COL24A1: variants seen among roughly 807,000 people sequenced by gnomAD.
The protein encoded by COL24A1 is collagen type XXIV alpha 1 chain.
In COL24A1, 224 loss-of-function variants were observed where a neutral mutation model predicts 253.9. That is an observed-to-expected ratio of 0.88 (90% CI 0.79 to 0.99). The LOEUF is 0.99. Ranked by LOEUF, COL24A1 falls within the 50% of genes least tolerant of loss-of-function variation. The pLI is 0.00. For synonymous variants in COL24A1, 685 were observed against 673.7 expected, an observed-to-expected ratio of 1.02 and a Z score of -0.26; for missense variants, 2,131 against 2,068.5, an observed-to-expected ratio of 1.03 and a Z score of -0.59.
chr1:86,021,100 C>T (rs1036697510), intron 18 of COL24A1, among the ~76,000 whole-genome samples: 29 of 152,096 alleles, frequency 1.9e-4, no homozygotes, highest in Non-Finnish European at 2.1e-4. Context: ...TTTAATACTG[C>T]TTCCTGAGAT....
chr1:86,070,202 G>A (rs1261312643), intron 7 of COL24A1, among the ~76,000 whole-genome samples: 2 of 152,166 alleles, frequency 1.3e-5, no homozygotes, highest in African/African-American at 4.8e-5. Flanking sequence ...GAATGTATCA[G>A]AGTCCTTTAA....
chr1:86,122,147 C>T (rs1345882490), intron 3 of COL24A1, among the ~76,000 whole-genome samples: 1 of 151,540 alleles, frequency 6.6e-6, no homozygotes, highest in Non-Finnish European at 1.5e-5. Flanking sequence ...ACAATGACTT[C>T]TTCATCAAAA....
intron 31 of COL24A1, among the ~76,000 whole-genome samples, chr1:85,890,477 C>T (rs547501163): frequency 6.7e-6 from 1 of 148,660 alleles, no homozygotes; most frequent in Non-Finnish European, 1.5e-5. Context: ...GTTTGATTTT[C>T]ATTTCCCTAA....
At chr1:86,060,005 GT>G (rs1003109632) in intron 8 of COL24A1, among the ~76,000 whole-genome samples, 6 of 152,024 alleles carry the variant, frequency 3.9e-5, no homozygotes, top group African/African-American at 1.4e-4. Flanking sequence ...CCAGTCTATG[GT>G]CTTTTGTTAT....
chr1:85,736,209 T>C (rs1300012238), intron 58 of COL24A1: 5 of 430,500 alleles, frequency 1.2e-5, no homozygotes, highest in South Asian at 6.8e-5. Context: ...CCTAGGTTCA[T>C]AGAATAGAGA....
At chr1:86,130,660 T>C (rs1649024350) in intron 2 of COL24A1, among the ~76,000 whole-genome samples, 1 of 151,970 alleles carries the variant, frequency 6.6e-6, no homozygotes, top group Non-Finnish European at 1.5e-5. Flanking sequence ...GTTTATCTTT[T>C]CATTCTTAAA....
At chr1:85,926,575 C>T (rs1244693694) in intron 24 of COL24A1, among the ~76,000 whole-genome samples, 2 of 152,028 alleles carry the variant, frequency 1.3e-5, no homozygotes, top group Admixed American at 6.6e-5. Flanking sequence ...GGACATAAGA[C>T]CAAACACTGC....
intron 28 of COL24A1, among the ~76,000 whole-genome samples, chr1:85,902,837 A>G (rs1423771297): frequency 6.6e-6 from 1 of 152,220 alleles, no homozygotes; most frequent in Non-Finnish European, 1.5e-5. Flanking sequence ...CTTTTGTTCA[A>G]TAACAGAGTA....
intron 53 of COL24A1, among the ~76,000 whole-genome samples, chr1:85,768,416 A>G (rs1667595761): frequency 6.6e-6 from 1 of 152,188 alleles, no homozygotes; most frequent in Admixed American, 6.6e-5. Context: ...TAGTGGGGGA[A>G]AAGTGGAAGA....
At chr1:86,124,494 C>A (rs949699866) in intron 3 of COL24A1, among the ~76,000 whole-genome samples, 2 of 151,876 alleles carry the variant, frequency 1.3e-5, no homozygotes, top group Non-Finnish European at 2.9e-5. Context: ...ACTATGCATT[C>A]TCCTATGGTT....
chr1:86,112,878 A>G (rs1705747920), intron 4 of COL24A1, among the ~76,000 whole-genome samples: 1 of 152,152 alleles, frequency 6.6e-6, no homozygotes, highest in Non-Finnish European at 1.5e-5. Context: ...TTTCCGTAGA[A>G]ATTTCTTCAT....
intron 14 of COL24A1, among the ~76,000 whole-genome samples, chr1:86,028,214 T>C (rs1382101565): frequency 5.9e-5 from 9 of 152,306 alleles, no homozygotes; most frequent in Admixed American, 4.6e-4. Flanking sequence ...TGGAATGAGC[T>C]AGAACTTTGG....
chr1:86,051,118 G>A (rs1332837610), intron 10 of COL24A1, among the ~76,000 whole-genome samples: 3 of 152,120 alleles, frequency 2.0e-5, no homozygotes, highest in Non-Finnish European at 4.4e-5. Context: ...AGGCCAACCT[G>A]TTAGAAGGCT....
intron 10 of COL24A1, among the ~76,000 whole-genome samples, chr1:86,056,961 TAAAG>T (rs1240194017): frequency 6.6e-6 from 1 of 152,000 alleles, no homozygotes; most frequent in Non-Finnish European, 1.5e-5. Flanking sequence ...CTATTAAAAA[TAAAG>T]AATTTTAAAA....
intron 37 of COL24A1, among the ~76,000 whole-genome samples, chr1:85,854,710 TG>T (rs1168876793): frequency 7.0e-6 from 1 of 142,520 alleles, no homozygotes; most frequent in Non-Finnish European, 1.6e-5. Flanking sequence ...CCTAGGTTTT[TG>T]TTTTTTTTTT....
At chr1:86,145,067 A>G (rs568988810) in intron 2 of COL24A1, among the ~76,000 whole-genome samples, 12 of 152,246 alleles carry the variant, frequency 7.9e-5, no homozygotes, top group African/African-American at 2.4e-4. Context: ...CTTCTAAGAA[A>G]TATTTTAATT....
intron 1 of COL24A1, among the ~76,000 whole-genome samples, chr1:86,148,171 G>GTTTTGT (rs989103417): frequency 2.7e-5 from 4 of 150,380 alleles, no homozygotes; most frequent in Non-Finnish European, 4.4e-5. Context: ...GGGGAGTTTT[G>GTTTTGT]TTTTGTTTTT....
At chr1:86,057,821 T>A in intron 10 of COL24A1, 110 bp downstream of exon 10, 1 of 902,290 alleles carries the variant, frequency 1.1e-6, no homozygotes, top group Admixed American at 2.5e-5. Context: ...AGGCTACATT[T>A]GAATTAAATT....
At chr1:86,010,831 G>A (rs1441767769) in intron 19 of COL24A1, among the ~76,000 whole-genome samples, 2 of 152,096 alleles carry the variant, frequency 1.3e-5, no homozygotes, top group Non-Finnish European at 1.5e-5. Context: ...AAAAAGCAGA[G>A]TGTCAAAAAG....
Sources: gnomAD v4.1 joint callset for allele counts (sites outside exome capture counted in the v4.1 genomes callset) on GRCh38, gnomAD v4.1.1 for gene constraint, MANE v1.5 for transcripts, NCBI Gene and HGNC (gene_info 2026-07-23, HGNC 2026-07-21) for gene names.